DSCAML1: variants seen among roughly 807,000 people sequenced by gnomAD.
The protein encoded by DSCAML1 is DS cell adhesion molecule like 1, also known as cell adhesion molecule DSCAML1.
A neutral mutation model predicts 200.5 loss-of-function variants in DSCAML1; 38 were observed. The observed-to-expected ratio is 0.19, with a 90% CI of 0.15 to 0.25. The LOEUF (loss-of-function observed/expected upper bound fraction) is 0.25, where lower values mean the gene tolerates loss of function less well. Ranked by LOEUF, DSCAML1 falls within the 10% of genes least tolerant of loss-of-function variation. DSCAML1 has a pLI of 1.00. For missense variants in DSCAML1, 2,223 were observed against 2,858.8 expected (o/e 0.78, Z 5.07); for synonymous variants, 1,215 against 1,165.0 (o/e 1.04, Z -0.87).
intron 1 of DSCAML1, among the ~76,000 whole-genome samples, chr11:117,796,208 G>A (rs895707316): frequency 2.0e-5 from 3 of 152,342 alleles, no homozygotes; most frequent in Non-Finnish European, 1.5e-5. Context: ...CCGCAGGTCT[G>A]GACATGCCGG....
chr11:117,472,057 T>A, intron 14 of DSCAML1, 21 bp from the exon 15 acceptor site: 1 of 1,611,312 alleles, frequency 6.2e-7, no homozygotes, highest in Non-Finnish European at 8.5e-7. Flanking sequence ...GACACCTATG[T>A]CAAAGCATGG....
chr11:117,667,348 G>T (rs1378025093), intron 3 of DSCAML1, among the ~76,000 whole-genome samples: 1 of 152,204 alleles, frequency 6.6e-6, no homozygotes, highest in East Asian at 1.9e-4. Context: ...GGAGGCAGAG[G>T]TTGTAGTGAG....
intron 3 of DSCAML1, among the ~76,000 whole-genome samples, chr11:117,578,236 G>GGAAAAAA (rs755668465): frequency 9.9e-6 from 1 of 101,410 alleles, no homozygotes; most frequent in African/African-American, 4.4e-5. Flanking sequence ...ACTCTGTCTC[G>GGAAAAAA]AAAAAAAAAA....
chr11:117,474,628 C>T (rs1178184155), intron 14 of DSCAML1, among the ~76,000 whole-genome samples: 1 of 152,142 alleles, frequency 6.6e-6, no homozygotes, highest in Non-Finnish European at 1.5e-5. Flanking sequence ...GACCATACAC[C>T]CTGCTTACCC....
intron 3 of DSCAML1, among the ~76,000 whole-genome samples, chr11:117,560,230 G>A (rs151309862): frequency 1.2e-3 from 183 of 152,218 alleles, no homozygotes; most frequent in African/African-American, 4.3e-3. Flanking sequence ...TTTGTTGAGT[G>A]CCTACTTTGT....
chr11:117,478,740 T>C (rs563296392), intron 14 of DSCAML1, among the ~76,000 whole-genome samples: 74 of 152,324 alleles, frequency 4.9e-4, no homozygotes, highest in African/African-American at 1.6e-3. Context: ...CTGGTGTGCA[T>C]TGCACCCTCA....
At chr11:117,774,932 T>C (rs1384406194) in intron 3 of DSCAML1, among the ~76,000 whole-genome samples, 1 of 152,216 alleles carries the variant, frequency 6.6e-6, no homozygotes, top group Non-Finnish European at 1.5e-5. Context: ...TATGGAAGTT[T>C]CTGAGCCCTG....
intron 3 of DSCAML1, among the ~76,000 whole-genome samples, chr11:117,566,499 C>T (rs1429470310): frequency 6.6e-6 from 1 of 151,964 alleles, no homozygotes; most frequent in African/African-American, 2.4e-5. Flanking sequence ...AGGTGACACC[C>T]ACCATGCCCA....
intron 3 of DSCAML1, among the ~76,000 whole-genome samples, chr11:117,569,833 C>T (rs2050817014): frequency 6.6e-6 from 1 of 152,216 alleles, no homozygotes; most frequent in Non-Finnish European, 1.5e-5. Flanking sequence ...TTACTCTCTT[C>T]TCCCCTTGCT....
chr11:117,713,431 A>C lies in DSCAML1; in HGVS notation c.511+63360T>G, dbSNP rs191599744. Among the ~76,000 whole-genome samples, 3 of 152,034 alleles carry C rather than the reference A, an allele frequency of 2.0e-5. 1 individual carries two copies. In the East Asian group the frequency reaches 5.8e-4, roughly 29 times the overall value. On this transcript the variant is annotated intron_variant, in intron 3 of 32. Coordinates refer to ENST00000651296, the MANE Select transcript of DSCAML1 (RefSeq NM_020693.4). The stretch of plus-strand genomic sequence containing the variant: ...ACGTCCGGCCACCAATGCCCTCTTG[A>C]TAGCTTCCCATCCCATCCCTAATCA...
At chr11:117,813,449 T>G (rs1055628503) in intron 1 of DSCAML1, among the ~76,000 whole-genome samples, 1 of 152,214 alleles carries the variant, frequency 6.6e-6, no homozygotes, top group Non-Finnish European at 1.5e-5. Context: ...ACAGCTGATA[T>G]CTCCTCGTGC....
chr11:117,729,813 T>C lies in DSCAML1; in HGVS notation c.511+46978A>G, dbSNP rs539577601. On this transcript the variant is annotated intron_variant, in intron 3 of 32. Transcript: ENST00000651296. ...GAACAGGTGAATATGTTAGCTTATC[T>C]GGCAAAAGGAATGCTGCTGGTATGA... Among the ~76,000 whole-genome samples the C allele has an allele frequency of 2.6e-5, 4 of 152,342 alleles. No homozygotes were observed. The South Asian group carries it at 8.3e-4, about 32-fold the overall frequency.
chr11:117,514,224 A>C (rs1473898637), intron 8 of DSCAML1, among the ~76,000 whole-genome samples: 1 of 152,040 alleles, frequency 6.6e-6, no homozygotes, highest in Non-Finnish European at 1.5e-5. Context: ...TCCCCTGGTC[A>C]ACGCTATTCC....
intron 3 of DSCAML1, among the ~76,000 whole-genome samples, chr11:117,617,938 A>C (rs946666844): frequency 1.3e-5 from 2 of 152,146 alleles, no homozygotes; most frequent in Non-Finnish European, 2.9e-5. Flanking sequence ...TGCCCAGGTA[A>C]CCATGCAGGA....
At chr11:117,659,146 G>C (rs1040748403) in intron 3 of DSCAML1, among the ~76,000 whole-genome samples, 1 of 152,192 alleles carries the variant, frequency 6.6e-6, no homozygotes, top group Admixed American at 6.5e-5. Context: ...GTTCAGCATG[G>C]TTCTGTAGTA....
rs1315288276 is a variant in DSCAML1, at chr11:117,780,506, G to T, written c.351C>A (p.Ile117=). The change falls in exon 2 of 33, where the codon ATC becomes ATA. Residue 117 remains isoleucine (I), a synonymous_variant. Transcript: ENST00000651296. This position sits in a 1 kb window ranked among gnomAD's most constrained non-coding sequence, Gnocchi z 4.8. ...CTTGTCCCTTACCTGCTTTGACGCG[G>T]ATGTTGGGGCTCCGGATCTTGCCGG... ...NAAGKIRSPN[I]RVKAVFREPY... The T allele has an allele frequency of 6.9e-7, 1 of 1,451,518 alleles. No individual in the cohort carries two copies. Among genetic ancestry groups the T allele is most frequent in the African/African-American group, 1.4e-5 (1 of 69,424 alleles). 89.9% of individuals were successfully genotyped at this position (1,451,518 alleles called of 1,614,324 possible).
intron 3 of DSCAML1, among the ~76,000 whole-genome samples, chr11:117,771,162 G>A (rs1375879616): frequency 2.6e-5 from 4 of 152,144 alleles, no homozygotes; most frequent in East Asian, 1.9e-4. Flanking sequence ...TCTCCCATTC[G>A]AGTTGGTGTA....
intron 16 of DSCAML1, 99 bp from the exon 17 acceptor site, chr11:117,465,281 C>G (rs1459331592): frequency 6.0e-6 from 9 of 1,489,250 alleles, no homozygotes; most frequent in Non-Finnish European, 8.2e-6. Flanking sequence ...CTGCCCCAGC[C>G]CTTCAAAGGC....
chr11:117,565,057 G>C (rs2050732418), intron 3 of DSCAML1, among the ~76,000 whole-genome samples: 1 of 152,172 alleles, frequency 6.6e-6, no homozygotes, highest in Non-Finnish European at 1.5e-5. Context: ...ATGAGCCACT[G>C]TGCCCGGCCA....
Sources: gnomAD v4.1 joint callset for allele counts (sites outside exome capture counted in the v4.1 genomes callset) on GRCh38, gnomAD v4.1.1 for gene constraint, Gnocchi (gnomAD v3.1) non-coding constraint, MANE v1.5 for transcripts, NCBI Gene and HGNC (gene_info 2026-07-23, HGNC 2026-07-21) for gene names.